Variants in LOC400499 observed in about 807,000 individuals in gnomAD.
chr16:11,391,890 G>A, the LOC400499 span: 1 of 1,155,730 alleles, frequency 8.7e-7, no homozygotes, highest in African/African-American at 1.6e-5. Context: ...GCAGAATCAG[G>A]GTGAGGTCCA....
chr16:11,505,440 CTTTTCTTTT>C, the LOC400499 span, among the ~76,000 whole-genome samples: 2 of 75,334 alleles, frequency 2.7e-5, no homozygotes, highest in African/African-American at 1.0e-4. Flanking sequence ...TTTAATTTTT[CTTTTCTTTT>C]TTTTTTTTTT....
chr16:11,461,299 A>T, the LOC400499 span, among the ~76,000 whole-genome samples: 3 of 152,246 alleles, frequency 2.0e-5, no homozygotes, highest in African/African-American at 7.2e-5. Flanking sequence ...AGCTCACTGT[A>T]GCCTTGACCT....
At chr16:11,390,501 G>A in the LOC400499 span, 3 of 1,232,710 alleles carry the variant, frequency 2.4e-6, no homozygotes, top group African/African-American at 1.6e-5. Context: ...GAGACCTCAG[G>A]GCAGGTCAGA....
the LOC400499 span, chr16:11,439,524 G>A: frequency 1.0e-5 from 4 of 399,168 alleles, no homozygotes; most frequent in Non-Finnish European, 1.8e-5. Flanking sequence ...CCGTGAGGAT[G>A]CCTGAGTTGG....
At chr16:11,504,135 A>T in the LOC400499 span, among the ~76,000 whole-genome samples, 1 of 152,230 alleles carries the variant, frequency 6.6e-6, no homozygotes, top group Non-Finnish European at 1.5e-5. Context: ...CAGGCACGAC[A>T]GGAGGGATCA....
chr16:11,497,344 T>C, the LOC400499 span, among the ~76,000 whole-genome samples: 1 of 152,164 alleles, frequency 6.6e-6, no homozygotes, highest in South Asian at 2.1e-4. Flanking sequence ...TTCCCTATAT[T>C]TGAGCAAAGA....
the LOC400499 span, among the ~76,000 whole-genome samples, chr16:11,433,642 G>A: frequency 5.3e-5 from 8 of 152,294 alleles, no homozygotes; most frequent in East Asian, 1.5e-3. Context: ...GAAAGATCAA[G>A]CCATGATTAG....
At chr16:11,519,495 G>C in the LOC400499 span, among the ~76,000 whole-genome samples, 2 of 152,078 alleles carry the variant, frequency 1.3e-5, no homozygotes, top group African/African-American at 4.8e-5. Flanking sequence ...CCAGCACTTT[G>C]GGAGGGCAAG....
the LOC400499 span, among the ~76,000 whole-genome samples, chr16:11,496,134 T>C: frequency 6.6e-6 from 1 of 151,142 alleles, no homozygotes; most frequent in African/African-American, 2.4e-5. Flanking sequence ...TGGCACAATC[T>C]CAGCTCACTG....
At chr16:11,401,735 G>A in the LOC400499 span, among the ~76,000 whole-genome samples, 5 of 152,216 alleles carry the variant, frequency 3.3e-5, no homozygotes. Context: ...TCTGAACACG[G>A]GCCCATTAAT....
At chr16:11,518,834 C>T in the LOC400499 span, 22 of 399,062 alleles carry the variant, frequency 5.5e-5, no homozygotes, top group South Asian at 6.4e-4. Flanking sequence ...TGTTGAAAGA[C>T]GGCAGAGGGC....
At chr16:11,515,506 C>CATAT in the LOC400499 span, among the ~76,000 whole-genome samples, 1 of 150,698 alleles carries the variant, frequency 6.6e-6, no homozygotes, top group African/African-American at 2.4e-5. Flanking sequence ...TACGTACGTA[C>CATAT]ATACATACAT....
the LOC400499 span, chr16:11,387,439 G>C: frequency 6.8e-6 from 4 of 590,478 alleles, no homozygotes; most frequent in Middle Eastern, 5.0e-4. Context: ...TCCTTGTTTT[G>C]GGAAATCCCA....
the LOC400499 span, chr16:11,473,152 G>C: frequency 7.3e-6 from 1 of 137,138 alleles, no homozygotes; most frequent in East Asian, 2.1e-4. Flanking sequence ...AAATAAAAAT[G>C]TACTTGTTGC....
chr16:11,398,321 C>T, the LOC400499 span: 1 of 1,232,232 alleles, frequency 8.1e-7, no homozygotes, highest in East Asian at 3.2e-5. Context: ...GGTCCTCCAG[C>T]TGCCCCCTTC....
At chr16:11,417,350 G>A in the LOC400499 span, among the ~76,000 whole-genome samples, 20 of 152,140 alleles carry the variant, frequency 1.3e-4, no homozygotes, top group South Asian at 3.3e-3. Context: ...TCAGCCTCCC[G>A]AGTAGCTGCG....
At chr16:11,516,760 C>T in the LOC400499 span, among the ~76,000 whole-genome samples, 2 of 152,132 alleles carry the variant, frequency 1.3e-5, no homozygotes, top group Admixed American at 1.3e-4. Context: ...ATCCTTCTGC[C>T]TCAGCCTCCC....
the LOC400499 span, among the ~76,000 whole-genome samples, chr16:11,510,460 A>C: frequency 2.6e-5 from 4 of 151,682 alleles, no homozygotes; most frequent in Non-Finnish European, 5.9e-5. Context: ...ACCTTGTCTT[A>C]TCCTTCATTA....
At chr16:11,446,769 G>T in the LOC400499 span, 1 of 1,535,966 alleles carries the variant, frequency 6.5e-7, no homozygotes, top group African/African-American at 1.4e-5. Context: ...CGGCCTGGCA[G>T]CCCAGGACCA....
Sources: allele counts gnomAD v4.1 joint callset (sites outside exome capture counted in the v4.1 genomes callset), GRCh38; gene constraint gnomAD v4.1.1; transcripts MANE v1.5.